The following CEP44 variants were observed in gnomAD, a reference collection of about 807,000 sequenced individuals.
CEP44 encodes centrosomal protein 44, also known as centrosomal protein of 44 kDa.
A neutral mutation model predicts 46.7 loss-of-function variants in CEP44; 45 were observed. The ratio of observed to expected loss-of-function variants is 0.96; its 90% CI spans 0.76 to 1.24. The LOEUF (loss-of-function observed/expected upper bound fraction) is 1.24, where lower values mean the gene tolerates loss of function less well. Among genes scored for constraint, CEP44 ranks in the 50% most tolerant of loss-of-function variants. The pLI is 0.00. For synonymous variants in CEP44, 142 were observed against 146.0 expected, an observed-to-expected ratio of 0.97 and a Z score of 0.20; for missense variants, 475 against 459.7, an observed-to-expected ratio of 1.03 and a Z score of -0.30.
At position 174,286,200 on chromosome 4, in the gene CEP44, G is replaced by A. The variant is rs554163005; in HGVS notation, c.-148+2257G>A. ...AGAGGGAGCAGTTGCTCTACCCTGG[G>A]GAAATGGCTGTGGAAATGAGTGGCG... On this transcript the variant is annotated intron_variant, in intron 1 of 11. Transcript: ENST00000503780. This position sits in a 1 kb window ranked among gnomAD's most constrained non-coding sequence, Gnocchi z 5.2. 6.6e-6 allele frequency among the ~76,000 whole-genome samples: 1 copy of A among 152,292 alleles called. No homozygotes were observed. The highest frequency in any genetic ancestry group is 1.5e-5 in the Non-Finnish European group (1 of 68,002).
At chr4:174,294,725 ACC>A (rs1738671179) in intron 1 of CEP44, among the ~76,000 whole-genome samples, 1 of 105,600 alleles carries the variant, frequency 9.5e-6, no homozygotes. Context: ...CGGGGGGCTG[ACC>A]ACCCCCCACC....
chr4:174,304,015 C>G (rs980520808), intron 5 of CEP44, among the ~76,000 whole-genome samples, 166 bp downstream of exon 5: 1 of 152,100 alleles, frequency 6.6e-6, no homozygotes, highest in Non-Finnish European at 1.5e-5. Context: ...ATTTTAAATA[C>G]TACTCTCTTG....
At chr4:174,316,465 C>A in intron 10 of CEP44, 65 bp from the exon 11 acceptor site, 2 of 1,436,634 alleles carry the variant, frequency 1.4e-6, no homozygotes, top group East Asian at 2.3e-5. Context: ...TGTACATTCT[C>A]GGTCCATCTT....
At chr4:174,321,262 G>C (rs549778898), downstream of CEP44, among the ~76,000 whole-genome samples, 90 of 152,186 alleles carry the variant, frequency 5.9e-4, no homozygotes, top group Non-Finnish European at 9.1e-4. Flanking sequence ...TTGAATCTAA[G>C]CCTTCAAATT....
chr4:174,306,917 A>T lies in CEP44; in HGVS notation c.508-1772A>T, dbSNP rs567280294. ...ATCTAGCTAACAAGGGAGGCAAAAG[A>T]TCTCTACAAGCAAAACTATAAACCA... On this transcript the variant is annotated intron_variant, in intron 6 of 11. Transcript: ENST00000503780. Among the ~76,000 whole-genome samples the T allele has an allele frequency of 3.0e-4, 46 of 152,308 alleles. 1 individual carries two copies. The highest frequency in any genetic ancestry group is 6.8e-3 in the Middle Eastern group (2 of 294).
Position 174,309,004 on chromosome 4 carries a change from CAAT to C in CEP44, c.678+148_678+150del. ...ATCTATGTTACAATTACTGAAGTGT[CAAT>C]AAGTCTTACTAAAATAATTCAACAA... On this transcript the variant is annotated intron_variant, in intron 7 of 11. Transcript: ENST00000503780. This position sits in a 1 kb window ranked among gnomAD's most constrained non-coding sequence, Gnocchi z 5.3. 1 of 756,756 alleles carries C rather than the reference CAAT, an allele frequency of 1.3e-6. No homozygotes were observed. Among genetic ancestry groups the C allele is most frequent in the East Asian group, 2.7e-5 (1 of 36,910 alleles). 46.9% of individuals were successfully genotyped at this position (756,756 alleles called of 1,614,324 possible).
chr4:174,308,124 G>T (rs746632847), intron 6 of CEP44, among the ~76,000 whole-genome samples: 10 of 152,026 alleles, frequency 6.6e-5, no homozygotes, highest in Non-Finnish European at 5.9e-5. Flanking sequence ...AATATAAATT[G>T]TTCTGTTGTA....
At position 174,318,042 on chromosome 4, in the gene CEP44, C is replaced by T; in HGVS notation, c.*659C>T. 1.0e-6 allele frequency: 1 copy of T among 985,284 alleles called. No homozygotes were observed. Among genetic ancestry groups the T allele is most frequent in the Non-Finnish European group, 1.2e-6 (1 of 829,878 alleles). 61.0% of individuals were successfully genotyped at this position (985,284 alleles called of 1,614,324 possible). A position where few individuals can be genotyped will look rare whatever the true frequency, so the allele number is the denominator to read the frequency against. The stretch of plus-strand genomic sequence containing the variant: ...GGTTCACCATGAGAAATGTGTTGAA[C>T]ATTTTAGTATGCTCTATTGTATAAT... On this transcript the variant is annotated 3_prime_UTR_variant, in exon 12 of 12. Transcript: ENST00000503780.
At chr4:174,316,686 G>A in intron 11 of CEP44, 119 bp downstream of exon 11, 1 of 903,538 alleles carries the variant, frequency 1.1e-6, no homozygotes, top group East Asian at 3.0e-5. Flanking sequence ...ATCAGGTGTG[G>A]AATTTCCTTC....
chr4:174,292,434 C>T (rs1007383156), intron 1 of CEP44, among the ~76,000 whole-genome samples: 5 of 152,170 alleles, frequency 3.3e-5, no homozygotes, highest in African/African-American at 9.7e-5. Flanking sequence ...CAGCCATAAT[C>T]TAAATGTGCT....
chr4:174,324,467 A>T (rs986219198), downstream of CEP44, among the ~76,000 whole-genome samples: 1 of 151,940 alleles, frequency 6.6e-6, no homozygotes, highest in Admixed American at 6.6e-5. Flanking sequence ...AAACTGCCAA[A>T]CTCTTTTCCA....
rs143916729 is a variant in CEP44 at position 174,316,250 on chromosome 4, C to T, written c.1046C>T (p.Ala349Val). The T allele has an allele frequency of 3.7e-6, 6 of 1,611,282 alleles. No individual in the cohort carries two copies. The African/African-American group carries it at 6.7e-5, about 18-fold the overall frequency. ...STASSDSTPR[A>V]STVNYCGLNE... ...GCATCATCAGATTCAACTCCCAGAG[C>T]CTCTACTGTTAATTACTGTGGTTTG... Residue 349 changes from alanine to valine, a missense_variant, in exon 10 of 12, where the codon GCC becomes GTC. Physicochemically the swap from Ala to Val is moderately conservative, Grantham distance 64. Coordinates refer to ENST00000503780, the MANE Select transcript of CEP44 (RefSeq NM_001040157.3).
At chr4:174,291,796 T>TTC (rs1560887870) in intron 1 of CEP44, among the ~76,000 whole-genome samples, 1 of 122,708 alleles carries the variant, frequency 8.1e-6, no homozygotes, top group Non-Finnish European at 1.7e-5. Flanking sequence ...TCTTTTTTTT[T>TTC]TTTTTTTTTT....
rs1180381386 is a variant in CEP44 at position 174,326,087 on chromosome 4, CCTT to C, written c.1087-5391_1087-5389del. Among the ~76,000 whole-genome samples, 2 of 151,972 alleles carry C rather than the reference CCTT, an allele frequency of 1.3e-5. No individual in the cohort carries two copies. Among genetic ancestry groups the C allele is most frequent in the East Asian group, 3.9e-4 (2 of 5,190 alleles). On this transcript the variant is annotated intron_variant, in intron 8 of 8. Coordinates refer to the CEP44 transcript ENST00000426172. This position sits in a 1 kb window ranked among gnomAD's most constrained non-coding sequence, Gnocchi z 4.8. ...TTATGGATATGGTTCAAATCTACCACCTTCTTATATTTGTTTTCTGTTTTTATC... is the reference window on the plus strand; with the variant it reads ...TTATGGATATGGTTCAAATCTACCACCTTATATTTGTTTTCTGTTTTTATC...
Position 174,302,052 on chromosome 4 carries a change from G to A in CEP44, c.103G>A (p.Asp35Asn). The A allele has an allele frequency of 6.2e-7, 1 of 1,603,034 alleles. No homozygotes were observed. Among genetic ancestry groups the A allele is most frequent in the East Asian group, 2.2e-5 (1 of 44,554 alleles). The stretch of plus-strand genomic sequence containing the variant: ...TTTTCCTAACAGTTTGATAAAGGGA[G>A]ACCCAGCAGCATCTTTGCCCATCAT... Reference protein sequence around the residue: ...EVDCVGLIKGDPAASLPIISY... With the variant: ...EVDCVGLIKGNPAASLPIISY... Residue 35 changes from aspartate to asparagine, a missense_variant, in exon 4 of 12, where the codon GAC becomes AAC. Physicochemically the swap from Asp to Asn is conservative, Grantham distance 23. Transcript: ENST00000503780.
chr4:174,294,041 ATCC>A (rs1466177686), intron 1 of CEP44, among the ~76,000 whole-genome samples: 1 of 147,084 alleles, frequency 6.8e-6, no homozygotes, highest in Non-Finnish European at 1.5e-5. Flanking sequence ...CAATCCATAT[ATCC>A]TCTTTTTTTT....
At position 174,319,362 on chromosome 4, in the gene CEP44, C is replaced by T; in HGVS notation, c.*1979C>T. 2 of 984,992 alleles carry T rather than the reference C, an allele frequency of 2.0e-6. No homozygotes were observed. Among genetic ancestry groups the T allele is most frequent in the Non-Finnish European group, 2.4e-6 (2 of 829,606 alleles). 61.0% of individuals were successfully genotyped at this position (984,992 alleles called of 1,614,324 possible). On this transcript the variant is annotated 3_prime_UTR_variant, in exon 12 of 12. Transcript: ENST00000503780. ...TCAGTACCAGCATGGAATTATAGCA[C>T]CACCTTGTGGTTAACATGCCAGTAT...
chr4:174,320,617 A>G (rs1046575295), downstream of CEP44, among the ~76,000 whole-genome samples: 1 of 76,564 alleles, frequency 1.3e-5, no homozygotes, highest in African/African-American at 4.9e-5. Flanking sequence ...AAGGACTAGC[A>G]TAAACAAAGG....
rs1739250734 is a variant in CEP44 at position 174,297,974 on chromosome 4, AG to A, written c.-138del. The A allele has an allele frequency of 6.6e-6, 1 of 152,230 alleles. No individual in the cohort carries two copies. The highest frequency in any genetic ancestry group is 2.4e-5 in the African/African-American group (1 of 41,426). The allele number at this position is 152,230 out of a possible 1,614,324, so 9.4% of individuals were successfully genotyped here. On this transcript the variant is annotated 5_prime_UTR_variant, in exon 2 of 12. In the 5' UTR this introduces an upstream ATG that the reference lacks. Transcript: ENST00000503780. The surrounding 1 kb of genome is among the most constrained non-coding windows in gnomAD (Gnocchi z 4.3). ...ACCCCTTTGTCTTTCAGAAGCATCA[AG>A]TGTACCTGATTTGTGAACCTATCTT...
Sources: gnomAD v4.1 joint callset for allele counts (sites outside exome capture counted in the v4.1 genomes callset) on GRCh38, gnomAD v4.1.1 for gene constraint, Gnocchi (gnomAD v3.1) non-coding constraint, MANE v1.5 for transcripts, NCBI Gene and HGNC (gene_info 2026-07-23, HGNC 2026-07-21) for gene names.